The following OCA2 variants were observed in gnomAD, a reference collection of about 807,000 sequenced individuals.
OCA2 encodes OCA2 melanosomal transmembrane protein, also known as P protein.
Under a neutral mutation model 100.2 loss-of-function variants are expected in OCA2, and 77 were observed. The observed-to-expected ratio is 0.77, with a 90% CI of 0.64 to 0.93. The LOEUF (loss-of-function observed/expected upper bound fraction) is 0.93. Ranked by LOEUF, OCA2 falls within the 40% of genes least tolerant of loss-of-function variation. The pLI, the probability that OCA2 is intolerant of heterozygous loss-of-function variation, is 0.00. For synonymous variants in OCA2, 432 were observed against 439.2 expected (o/e 0.98, Z 0.21); for missense variants, 1,062 against 1,089.1 (o/e 0.98, Z 0.35).
intron 12 of OCA2, among the ~76,000 whole-genome samples, chr15:27,985,814 T>G (rs2041335442): frequency 6.6e-6 from 1 of 151,694 alleles, no homozygotes; most frequent in Admixed American, 6.6e-5. Flanking sequence ...CGCCTCAGCC[T>G]CCCGAGTAGC....
chr15:28,051,277 C>T (rs571962728), intron 2 of OCA2, among the ~76,000 whole-genome samples: 1 of 152,154 alleles, frequency 6.6e-6, no homozygotes, highest in Admixed American at 6.5e-5. Context: ...CAGACATTTC[C>T]CTTTATGGTT....
At chr15:27,824,215 A>C (rs2034612605) in intron 23 of OCA2, among the ~76,000 whole-genome samples, 1 of 152,068 alleles carries the variant, frequency 6.6e-6, no homozygotes, top group Admixed American at 6.6e-5. Flanking sequence ...TAAAAATACA[A>C]AAATTAGCTG....
chr15:28,039,947 G>A (rs577840498), intron 2 of OCA2, among the ~76,000 whole-genome samples: 14 of 151,838 alleles, frequency 9.2e-5, no homozygotes, highest in African/African-American at 3.4e-4. Flanking sequence ...CAGGAGAACT[G>A]CTTGAACCCA....
chr15:27,810,585 C>T (rs771478525), intron 23 of OCA2, among the ~76,000 whole-genome samples: 4 of 141,290 alleles, frequency 2.8e-5, no homozygotes, highest in Non-Finnish European at 6.2e-5. Context: ...ATCAAACAGA[C>T]AACCCACAGA....
chr15:27,797,736 C>G (rs1175127162), intron 23 of OCA2, among the ~76,000 whole-genome samples: 2 of 152,186 alleles, frequency 1.3e-5, no homozygotes, highest in African/African-American at 2.4e-5. Flanking sequence ...CAGACAGAAC[C>G]AGGTTCACTA....
At chr15:28,020,252 TTAGAA>T (rs2042551933) in intron 6 of OCA2, among the ~76,000 whole-genome samples, 1 of 152,000 alleles carries the variant, frequency 6.6e-6, no homozygotes, top group African/African-American at 2.4e-5. Flanking sequence ...GCAAAATGCC[TTAGAA>T]TAAAGGGGAC....
chr15:27,773,523 A>C (rs921884763), intron 23 of OCA2, among the ~76,000 whole-genome samples: 1 of 152,226 alleles, frequency 6.6e-6, no homozygotes, highest in Non-Finnish European at 1.5e-5. Flanking sequence ...TCTGATAACT[A>C]TAATAATATC....
chr15:27,785,725 C>T (rs2032782326), intron 23 of OCA2, among the ~76,000 whole-genome samples: 1 of 152,202 alleles, frequency 6.6e-6, no homozygotes, highest in Non-Finnish European at 1.5e-5. Flanking sequence ...TATGTTCCCA[C>T]AATCCCACTT....
chr15:27,766,290 TA>T (rs1027341760), intron 23 of OCA2, among the ~76,000 whole-genome samples: 51 of 152,254 alleles, frequency 3.3e-4, no homozygotes, highest in Middle Eastern at 3.4e-3. Flanking sequence ...ATTTTTTAAA[TA>T]AAAAAATCCA....
At chr15:27,994,964 A>G (rs146949725) in intron 9 of OCA2, among the ~76,000 whole-genome samples, 50 of 152,290 alleles carry the variant, frequency 3.3e-4, no homozygotes, top group African/African-American at 1.2e-3. Flanking sequence ...AGGGATAGCT[A>G]AAGTTATATC....
intron 2 of OCA2, among the ~76,000 whole-genome samples, chr15:28,068,162 A>T (rs78230778): frequency 0.078 from 11,804 of 152,104 alleles, 577 homozygotes; most frequent in East Asian, 0.23. Context: ...CTCTTTTTTA[A>T]TTTCCATTTG....
intron 23 of OCA2, among the ~76,000 whole-genome samples, chr15:27,795,495 A>G (rs2033290388): frequency 6.6e-6 from 1 of 151,684 alleles, no homozygotes; most frequent in Non-Finnish European, 1.5e-5. Context: ...TGCCCAACTC[A>G]CTGATCCTCA....
At chr15:27,830,190 C>T (rs185176787) in intron 23 of OCA2, among the ~76,000 whole-genome samples, 100 of 152,174 alleles carry the variant, frequency 6.6e-4, no homozygotes, top group African/African-American at 2.4e-3. Flanking sequence ...TGTCACTGAC[C>T]CCACAAAACA....
At chr15:27,858,376 A>T (rs2036015322) in intron 21 of OCA2, among the ~76,000 whole-genome samples, 1 of 151,768 alleles carries the variant, frequency 6.6e-6, no homozygotes, top group South Asian at 2.1e-4. Context: ...TCTGCCTCCA[A>T]AAAGAAAGAA....
intron 23 of OCA2, among the ~76,000 whole-genome samples, chr15:27,766,129 G>A (rs979433152): frequency 6.6e-6 from 1 of 152,114 alleles, no homozygotes; most frequent in Non-Finnish European, 1.5e-5. Flanking sequence ...CAATAAATAT[G>A]TTGTGTAGTC....
At chr15:27,795,013 G>A (rs983311557) in intron 23 of OCA2, among the ~76,000 whole-genome samples, 1 of 152,186 alleles carries the variant, frequency 6.6e-6, no homozygotes, top group African/African-American at 2.4e-5. Flanking sequence ...ATGGGAAGCA[G>A]GTGGGAGATA....
chr15:27,957,328 T>C lies in OCA2; in HGVS notation c.1784+260A>G. Among the ~76,000 whole-genome samples, 1 of 152,172 alleles carries C rather than the reference T, an allele frequency of 6.6e-6. No homozygotes were observed. The highest frequency in any genetic ancestry group is 1.9e-4 in the East Asian group (1 of 5,170). On this transcript the variant is annotated intron_variant, in intron 16 of 23. Coordinates refer to ENST00000354638, the MANE Select transcript of OCA2 (RefSeq NM_000275.3). This position sits in a 1 kb window ranked among gnomAD's most constrained non-coding sequence, Gnocchi z 4.3. ...AGAGCCCCATCCCCAGTGCCACTCC[T>C]TCCGAGCTGCACAACCCTGGGCACG...
intron 23 of OCA2, among the ~76,000 whole-genome samples, chr15:27,835,325 C>T (rs2035106566): frequency 6.6e-6 from 1 of 152,202 alleles, no homozygotes; most frequent in South Asian, 2.1e-4. Flanking sequence ...GCCCTGACAG[C>T]GCACGTTCCC....
At chr15:28,016,748 C>G (rs1264189807) in intron 7 of OCA2, among the ~76,000 whole-genome samples, 1 of 151,816 alleles carries the variant, frequency 6.6e-6, no homozygotes, top group Non-Finnish European at 1.5e-5. Flanking sequence ...ACCACTACAC[C>G]CCAGCCTGGG....
Sources: gnomAD v4.1 joint callset for allele counts (sites outside exome capture counted in the v4.1 genomes callset) on GRCh38, gnomAD v4.1.1 for gene constraint, Gnocchi (gnomAD v3.1) non-coding constraint, MANE v1.5 for transcripts, NCBI Gene and HGNC (gene_info 2026-07-23, HGNC 2026-07-21) for gene names.